The following CYP3A4 variants were observed in gnomAD, a reference collection of about 807,000 sequenced individuals.
CYP3A4 encodes the protein cytochrome P450 3A4.
A neutral mutation model predicts 54.9 loss-of-function variants in CYP3A4; 41 were observed. That is an observed-to-expected ratio of 0.75 (90% CI 0.58 to 0.97). The LOEUF (loss-of-function observed/expected upper bound fraction) is 0.97, where lower values mean the gene tolerates loss of function less well. Ranked by LOEUF, CYP3A4 falls within the 50% of genes least tolerant of loss-of-function variation. The probability of loss-of-function intolerance (pLI) is 0.00; values close to 1 mark genes in which losing one functional copy is unlikely to be tolerated. For synonymous variants in CYP3A4, 179 were observed against 205.2 expected (o/e 0.87, Z 1.09); for missense variants, 510 against 597.3 (o/e 0.85, Z 1.52).
At chr7:99,776,066 C>T (rs576843362) in intron 3 of CYP3A4, among the ~76,000 whole-genome samples, 141 of 152,226 alleles carry the variant, frequency 9.3e-4, no homozygotes, top group African/African-American at 3.3e-3. Context: ...AAGAAGACAT[C>T]TATGCAGCCA....
At chr7:99,782,136 A>C (rs1440023640) in intron 1 of CYP3A4, among the ~76,000 whole-genome samples, 2 of 152,214 alleles carry the variant, frequency 1.3e-5, no homozygotes, top group Non-Finnish European at 2.9e-5. Context: ...CATGGCAAAT[A>C]AATGACACTA....
rs763982181 is a variant in CYP3A4 at position 99,770,280 on chromosome 7, G to A, written c.319-45C>T. 9.3e-6 allele frequency: 14 copies of A among 1,507,868 alleles called. No individual in the cohort carries two copies. The Admixed American group carries it at 2.3e-4, about 25-fold the overall frequency. The allele number at this position is 1,507,868 out of a possible 1,614,324, so 93.4% of individuals were successfully genotyped here. ...CATTTTGTCCTACATCAGTTGTGGA[G>A]GTCTCCATGGTTGTAGAAAATGTGT... On this transcript the variant is annotated intron_variant, in intron 4 of 12. Coordinates refer to ENST00000651514, the MANE Select transcript of CYP3A4 (RefSeq NM_017460.6).
chr7:99,760,681 C>T, intron 12 of CYP3A4, 138 bp downstream of exon 12: 1 of 1,174,874 alleles, frequency 8.5e-7, no homozygotes, highest in South Asian at 1.6e-5. Flanking sequence ...TTAAAGATCA[C>T]AGATGGGCCT....
intron 12 of CYP3A4, 100 bp downstream of exon 12, chr7:99,760,719 T>G: frequency 6.9e-7 from 1 of 1,450,952 alleles, no homozygotes; most frequent in Non-Finnish European, 9.4e-7. Context: ...AGAGAACAAA[T>G]TAGTAAAAGA....
In CYP3A4 at chr7:99,758,054, A is replaced by C. The variant is rs1563037739; in HGVS notation, c.*79T>G. ...AAGCCCATCTTCATTTCAGAGTTCT[A>C]TTCACAAAGTAATTTGAGGTCTCTG... On this transcript the variant is annotated 3_prime_UTR_variant, in exon 13 of 13. Transcript: ENST00000651514. 5 of 1,167,780 alleles carry C rather than the reference A, an allele frequency of 4.3e-6. No individual in the cohort carries two copies. The highest frequency in any genetic ancestry group is 6.4e-6 in the Non-Finnish European group (5 of 777,020). 72.3% of individuals were successfully genotyped at this position (1,167,780 alleles called of 1,614,324 possible).
At chr7:99,762,329 A>G in intron 10 of CYP3A4, 62 bp from the exon 11 acceptor site, 1 of 1,565,264 alleles carries the variant, frequency 6.4e-7, no homozygotes, top group African/African-American at 1.4e-5. Flanking sequence ...AACTCAGTCC[A>G]TGCAGTACTA....
intron 12 of CYP3A4, among the ~76,000 whole-genome samples, chr7:99,758,540 C>T (rs200746881): frequency 1.3e-5 from 2 of 152,046 alleles, no homozygotes. Context: ...CTGTGCCAGG[C>T]CTGAGACAAA....
chr7:99,773,453 ACTC>A (rs1815683999), intron 3 of CYP3A4, among the ~76,000 whole-genome samples: 2 of 152,136 alleles, frequency 1.3e-5, no homozygotes, highest in East Asian at 1.9e-4. Flanking sequence ...GAAGTAATAT[ACTC>A]CTCAGCAAAT....
intron 6 of CYP3A4, among the ~76,000 whole-genome samples, chr7:99,768,778 A>G (rs1320756894): frequency 1.3e-5 from 2 of 152,220 alleles, no homozygotes; most frequent in African/African-American, 4.8e-5. Flanking sequence ...ACCCACTATC[A>G]GACAACTACA....
chr7:99,772,471 G>A, intron 4 of CYP3A4, 119 bp downstream of exon 4: 2 of 1,234,696 alleles, frequency 1.6e-6, no homozygotes, highest in South Asian at 1.3e-5. Flanking sequence ...GGGGGGACAG[G>A]ATGAAGTGGA....
In CYP3A4 at chr7:99,772,726, G is replaced by GC. The variant is rs758403107; in HGVS notation, c.219-38dup. On this transcript the variant is annotated intron_variant, in intron 3 of 12. Coordinates refer to ENST00000651514, the MANE Select transcript of CYP3A4 (RefSeq NM_017460.6). Reference sequence around the variant, plus strand: ...AAACAGAGTTGATTAAACATCAACAGCCTTATTCTACAGCTGGAGCCCAAC... The same window carrying GC: ...AAACAGAGTTGATTAAACATCAACAGCCCTTATTCTACAGCTGGAGCCCAAC... 29 of 1,606,168 alleles carry GC rather than the reference G, an allele frequency of 1.8e-5. No homozygotes were observed. In the South Asian group the frequency reaches 2.8e-4, roughly 15 times the overall value.
chr7:99,761,715 A>G (rs1815338317), intron 11 of CYP3A4, among the ~76,000 whole-genome samples: 1 of 152,154 alleles, frequency 6.6e-6, no homozygotes, highest in South Asian at 2.1e-4. Context: ...TATGAAAAAA[A>G]TATTCATTTG....
intron 10 of CYP3A4, among the ~76,000 whole-genome samples, chr7:99,763,179 C>T (rs1395308306): frequency 2.0e-5 from 3 of 152,098 alleles, no homozygotes; most frequent in African/African-American, 7.2e-5. Flanking sequence ...ACAGCCAGAC[C>T]AGAGCAAGTC....
chr7:99,769,218 G>A (rs1815565233), intron 6 of CYP3A4, among the ~76,000 whole-genome samples: 1 of 152,184 alleles, frequency 6.6e-6, no homozygotes, highest in African/African-American at 2.4e-5. Context: ...CTGCATAAGT[G>A]TAGATAGCAA....
intron 1 of CYP3A4, among the ~76,000 whole-genome samples, chr7:99,783,732 C>T (rs981297061): frequency 1.3e-5 from 2 of 151,726 alleles, no homozygotes. Flanking sequence ...CCTCAGCCTC[C>T]CAAGTAGCTG....
At chr7:99,779,267 T>G (rs1345756328) in intron 2 of CYP3A4, among the ~76,000 whole-genome samples, 1 of 152,148 alleles carries the variant, frequency 6.6e-6, no homozygotes, top group African/African-American at 2.4e-5. Flanking sequence ...TGCTTAAATA[T>G]CTGAGTTTGA....
intron 11 of CYP3A4, among the ~76,000 whole-genome samples, chr7:99,761,282 T>C (rs1815319880): frequency 6.6e-6 from 1 of 152,212 alleles, no homozygotes; most frequent in Non-Finnish European, 1.5e-5. Flanking sequence ...GTCCACACTA[T>C]AAAAGGCACA....
Position 99,758,080 on chromosome 7 carries a change from G to C in CYP3A4, c.*53C>G. The C allele has an allele frequency of 7.1e-7, 1 of 1,414,302 alleles. No individual in the cohort carries two copies. The highest frequency in any genetic ancestry group is 1.2e-5 in the South Asian group (1 of 86,956). The allele number at this position is 1,414,302 out of a possible 1,614,324, so 87.6% of individuals were successfully genotyped here. On this transcript the variant is annotated 3_prime_UTR_variant, in exon 13 of 13. Transcript: ENST00000651514. ...TTCACAAAGTAATTTGAGGTCTCTG[G>C]TGTTCTCAGGCACAGATTTCTTGAA...
intron 1 of CYP3A4, among the ~76,000 whole-genome samples, chr7:99,783,477 A>C (rs1004523610): frequency 1.3e-5 from 2 of 152,162 alleles, no homozygotes; most frequent in African/African-American, 4.8e-5. Flanking sequence ...ATGCTATCCC[A>C]AAACCCTTCT....
Sources: allele counts gnomAD v4.1 joint callset (sites outside exome capture counted in the v4.1 genomes callset), GRCh38; gene constraint gnomAD v4.1.1; transcripts MANE v1.5; gene names NCBI Gene and HGNC (gene_info 2026-07-23, HGNC 2026-07-21).